Variants in CDH1 observed in about 807,000 individuals in gnomAD.
The protein encoded by CDH1 is cadherin 1.
In CDH1, 35 loss-of-function variants were observed where a neutral mutation model predicts 84.5. The observed-to-expected ratio is 0.41, with a 90% CI of 0.32 to 0.55. CDH1 has a LOEUF of 0.55. Ranked by LOEUF, CDH1 falls within the 20% of genes least tolerant of loss-of-function variation. The probability of loss-of-function intolerance (pLI) is 0.19; values close to 1 mark genes in which losing one functional copy is unlikely to be tolerated. For missense variants in CDH1, 994 were observed against 1,126.6 expected, an observed-to-expected ratio of 0.88 and a Z score of 1.68; for synonymous variants, 417 against 439.0, an observed-to-expected ratio of 0.95 and a Z score of 0.63.
At chr16:68,822,581 A>G (rs558360114) in intron 12 of CDH1, 161 of 492,060 alleles carry the variant, frequency 3.3e-4, no homozygotes, top group South Asian at 2.6e-3. Context: ...TTGCCAACCA[A>G]TCGTGAGCTC....
rs149792137 is a variant in CDH1, at chr16:68,757,281, G to A, written c.163+18870G>A. Reference sequence around the variant, plus strand: ...TTTTTGTATTTTTAGTAGAGACAGGGTTTCACCATGTTGGCCAGGCTGGTC... The same window carrying A: ...TTTTTGTATTTTTAGTAGAGACAGGATTTCACCATGTTGGCCAGGCTGGTC... On this transcript the variant is annotated intron_variant, in intron 2 of 15. Coordinates refer to ENST00000261769, the MANE Select transcript of CDH1 (RefSeq NM_004360.5). 3.2e-3 allele frequency among the ~76,000 whole-genome samples: 490 copies of A among 152,196 alleles called. 1 individual carries two copies. The highest frequency in any genetic ancestry group is 0.011 in the African/African-American group (465 of 41,538).
At chr16:68,760,449 T>C (rs543592823) in intron 2 of CDH1, among the ~76,000 whole-genome samples, 2 of 152,014 alleles carry the variant, frequency 1.3e-5, no homozygotes, top group Admixed American at 1.3e-4. Context: ...TTTCCAAAGA[T>C]GGGAATGTGA....
In CDH1 at chr16:68,816,102, CTG is replaced by C. The variant is rs1338420005; in HGVS notation, c.1565+345_1565+346del. ...GCGTGATCTCTGCCTACTGCAGCCT[CTG>C]TCTCTTGGGTTCAAGCAATTTTCAT... On this transcript the variant is annotated intron_variant, in intron 10 of 15. Coordinates refer to ENST00000261769, the MANE Select transcript of CDH1 (RefSeq NM_004360.5). Among the ~76,000 whole-genome samples the C allele has an allele frequency of 2.6e-5, 4 of 152,326 alleles. No homozygotes were observed. In the East Asian group the frequency reaches 7.7e-4, roughly 29 times the overall value.
At chr16:68,806,341 G>T (rs1960660240) in intron 3 of CDH1, among the ~76,000 whole-genome samples, 1 of 151,812 alleles carries the variant, frequency 6.6e-6, no homozygotes, top group Non-Finnish European at 1.5e-5. Flanking sequence ...GTAGAGGCAG[G>T]GTTTTGGCAC....
At chr16:68,757,968 T>TC (rs71148946) in intron 2 of CDH1, among the ~76,000 whole-genome samples, 2 of 11,372 alleles carry the variant, frequency 1.8e-4, no homozygotes, top group Admixed American at 1.7e-3. Flanking sequence ...CAGGCTAATC[T>TC]TTTTTTTTTT....
chr16:68,791,848 C>G (rs1012382583), intron 2 of CDH1, among the ~76,000 whole-genome samples: 2 of 152,112 alleles, frequency 1.3e-5, no homozygotes, highest in African/African-American at 4.8e-5. Context: ...AGTAAGGGCT[C>G]GCTAAAGATT....
chr16:68,828,373 G>C (rs546818923), intron 14 of CDH1, 69 bp downstream of exon 14: 16 of 1,549,718 alleles, frequency 1.0e-5, no homozygotes, highest in Non-Finnish European at 1.3e-5. Context: ...ATTAGTAAGA[G>C]GTAGGCATTT....
intron 6 of CDH1, 98 bp from the exon 7 acceptor site, chr16:68,811,586 C>A: frequency 1.9e-6 from 2 of 1,048,190 alleles, no homozygotes; most frequent in East Asian, 2.4e-5. Flanking sequence ...ACCCCCATGT[C>A]CCCTCCTTTA....
intron 8 of CDH1, among the ~76,000 whole-genome samples, 159 bp from the exon 9 acceptor site, chr16:68,813,154 C>T (rs1960884891): frequency 6.6e-6 from 1 of 152,022 alleles, no homozygotes; most frequent in African/African-American, 2.4e-5. Context: ...GAGGTTGAGG[C>T]TACAGTGAGC....
intron 2 of CDH1, among the ~76,000 whole-genome samples, chr16:68,770,525 C>CTTGAGCCACCGTGCAATAAATA (rs1959540542): frequency 2.0e-5 from 3 of 152,010 alleles, no homozygotes; most frequent in Admixed American, 2.0e-4. Context: ...CTCGCACCTT[C>CTTGAGCCACCGTGCAATAAATA]AGGGAACGTG....
rs1555510236 is a variant in CDH1 at position 68,743,359 on chromosome 16, C to CTTTCT, written c.163+4961_163+4965dup. 4.2e-3 allele frequency among the ~76,000 whole-genome samples: 236 copies of CTTTCT among 55,594 alleles called. 34 individuals are homozygous for CTTTCT. Among genetic ancestry groups the CTTTCT allele is most frequent in the South Asian group, 0.012 (15 of 1,256 alleles). 36.5% of individuals were successfully genotyped at this position (55,594 alleles called of 152,430 possible). On this transcript the variant is annotated intron_variant, in intron 2 of 15. Coordinates refer to ENST00000261769, the MANE Select transcript of CDH1 (RefSeq NM_004360.5). ...TCTTTCTTTCTTTCTTTCTTTCTTT[C>CTTTCT]TTTCTTTTCTTTTCTTTCTTTTGAG... is the stretch of plus-strand genomic sequence containing the variant.
intron 13 of CDH1, among the ~76,000 whole-genome samples, chr16:68,825,681 C>G (rs1961301800): frequency 6.6e-6 from 1 of 152,070 alleles, no homozygotes; most frequent in Non-Finnish European, 1.5e-5. Context: ...GTTAATTCAT[C>G]ATTGCCTTGG....
chr16:68,792,690 G>A (rs563236945), intron 2 of CDH1, among the ~76,000 whole-genome samples: 9 of 152,340 alleles, frequency 5.9e-5, no homozygotes, highest in Non-Finnish European at 1.0e-4. Flanking sequence ...TGACCAAGTC[G>A]CTTGAGTAAT....
chr16:68,761,223 C>T (rs946287332), intron 2 of CDH1, among the ~76,000 whole-genome samples: 5 of 152,188 alleles, frequency 3.3e-5, no homozygotes, highest in African/African-American at 7.2e-5. Context: ...TTGGAGAACC[C>T]GGACAGCAGG....
intron 12 of CDH1, chr16:68,822,504 G>C (rs545233733): frequency 3.6e-6 from 2 of 553,852 alleles, no homozygotes; most frequent in African/African-American, 3.7e-5. Flanking sequence ...CTTGCAACCA[G>C]GACCATCTTC....
At chr16:68,822,465 C>T in intron 12 of CDH1, 1 of 585,156 alleles carries the variant, frequency 1.7e-6, no homozygotes, top group Non-Finnish European at 3.1e-6. Flanking sequence ...CCTCTCCCAG[C>T]CTCTAGCCAC....
intron 2 of CDH1, among the ~76,000 whole-genome samples, chr16:68,768,719 G>C (rs1456390215): frequency 6.6e-6 from 1 of 152,128 alleles, no homozygotes; most frequent in Admixed American, 6.5e-5. Context: ...TTTAAATTGT[G>C]TGTAAAGTCA....
At chr16:68,819,858 G>A (rs1961093745) in intron 11 of CDH1, among the ~76,000 whole-genome samples, 1 of 152,084 alleles carries the variant, frequency 6.6e-6, no homozygotes, top group Non-Finnish European at 1.5e-5. Context: ...CCATGTTGCT[G>A]CAAAAGATTT....
chr16:68,757,684 A>C (rs1302831264), intron 2 of CDH1, among the ~76,000 whole-genome samples: 1 of 152,160 alleles, frequency 6.6e-6, no homozygotes, highest in African/African-American at 2.4e-5. Context: ...TTCCAATCCC[A>C]ACTGGACCCT....
Sources: allele counts gnomAD v4.1 joint callset (sites outside exome capture counted in the v4.1 genomes callset), GRCh38; gene constraint gnomAD v4.1.1; transcripts MANE v1.5; gene names NCBI Gene and HGNC (gene_info 2026-07-23, HGNC 2026-07-21).